PTPRT: variants seen among roughly 807,000 people sequenced by gnomAD.
PTPRT encodes receptor-type tyrosine-protein phosphatase T.
Under a neutral mutation model 176.8 loss-of-function variants are expected in PTPRT, and 56 were observed. The observed-to-expected ratio is 0.32, with a 90% CI of 0.26 to 0.40. The LOEUF is 0.40. Among genes scored for constraint, PTPRT ranks in the 10% least tolerant of loss-of-function variants. The probability of loss-of-function intolerance (pLI) is 1.00; values close to 1 mark genes in which losing one functional copy is unlikely to be tolerated. For synonymous variants in PTPRT, 783 were observed against 739.0 expected, an observed-to-expected ratio of 1.06 and a Z score of -0.96; for missense variants, 1,540 against 1,908.2, an observed-to-expected ratio of 0.81 and a Z score of 3.60.
intron 1 of PTPRT, among the ~76,000 whole-genome samples, chr20:42,997,794 G>GT: frequency 6.6e-6 from 1 of 152,228 alleles, no homozygotes; most frequent in Admixed American, 6.5e-5. Context: ...ACTTTCCAAA[G>GT]TCACACAGCT....
At chr20:42,935,147 A>ATTTTTTTTTTTTTTT (rs57178522) in intron 1 of PTPRT, among the ~76,000 whole-genome samples, 2 of 42,156 alleles carry the variant, frequency 4.7e-5, no homozygotes, top group African/African-American at 1.9e-4. Context: ...TTTTGCCATA[A>ATTTTTTTTTTTTTTT]TTTTTTTTTT....
intron 14 of PTPRT, among the ~76,000 whole-genome samples, chr20:42,245,766 T>C (rs2056438174): frequency 6.6e-6 from 1 of 152,170 alleles, no homozygotes; most frequent in Admixed American, 6.5e-5. Flanking sequence ...AGGGAGAAGC[T>C]GGGGACATCT....
intron 7 of PTPRT, among the ~76,000 whole-genome samples, chr20:42,554,297 A>T (rs942088977): frequency 2.0e-5 from 3 of 151,698 alleles, no homozygotes; most frequent in Admixed American, 6.6e-5. Context: ...TGAAATTCTT[A>T]AAAAAAAATT....
rs149900588 is a variant in PTPRT at position 42,618,996 on chromosome 20, G to C, written c.1153+58870C>G. Reference sequence around the variant, plus strand: ...GATCCTGTCATTATGATGTTAGCTGGTGATTTTGCTCGTAAGTTGATGCAG... The same window carrying C: ...GATCCTGTCATTATGATGTTAGCTGCTGATTTTGCTCGTAAGTTGATGCAG... On this transcript the variant is annotated intron_variant, in intron 7 of 30. Transcript: ENST00000373187. 4.8e-3 allele frequency among the ~76,000 whole-genome samples: 727 copies of C among 151,606 alleles called. 7 individuals are homozygous for C. Among genetic ancestry groups the C allele is most frequent in the Admixed American group, 0.017 (257 of 15,222 alleles).
Position 42,656,735 on chromosome 20 carries a change from T to C in PTPRT, c.1153+21131A>G, listed in dbSNP as rs546047603. Among the ~76,000 whole-genome samples, 5 of 152,266 alleles carry C rather than the reference T, an allele frequency of 3.3e-5. No individual in the cohort carries two copies. The East Asian group carries it at 5.8e-4, about 18-fold the overall frequency. On this transcript the variant is annotated intron_variant, in intron 7 of 30. Transcript: ENST00000373187. Reference sequence around the variant, plus strand: ...GATGCTGATTACAGCTTTTAAAAATTAGGAAAAACTTACATGTCTGGAAAT... The same window carrying C: ...GATGCTGATTACAGCTTTTAAAAATCAGGAAAAACTTACATGTCTGGAAAT...
intron 11 of PTPRT, among the ~76,000 whole-genome samples, chr20:42,350,222 T>C (rs1273631459): frequency 1.8e-5 from 1 of 55,944 alleles, no homozygotes; most frequent in Admixed American, 2.2e-4. Context: ...TTGTTTTTTT[T>C]TTTTTTTTTT....
chr20:42,272,369 G>C (rs1170498352), intron 13 of PTPRT, among the ~76,000 whole-genome samples: 2 of 151,880 alleles, frequency 1.3e-5, no homozygotes, highest in African/African-American at 4.8e-5. Context: ...TTACAGAGGA[G>C]TTTGCTAACT....
intron 13 of PTPRT, among the ~76,000 whole-genome samples, chr20:42,262,132 T>A (rs986286195): frequency 6.6e-6 from 1 of 152,220 alleles, no homozygotes; most frequent in African/African-American, 2.4e-5. Flanking sequence ...AAATCCACCA[T>A]GAACATGTTT....
At chr20:42,350,797 T>C (rs2058272412) in intron 10 of PTPRT, 67 bp from the exon 11 acceptor site, 1 of 1,166,572 alleles carries the variant, frequency 8.6e-7, no homozygotes, top group African/African-American at 1.5e-5. Context: ...CACCGCCCCT[T>C]GCTGCCATCC....
chr20:42,345,374 C>T (rs2058173545), intron 11 of PTPRT, among the ~76,000 whole-genome samples: 2 of 148,526 alleles, frequency 1.3e-5, no homozygotes, highest in Middle Eastern at 3.6e-3. Flanking sequence ...TATACACACA[C>T]ACACACACAC....
At chr20:43,120,781 C>G (rs1465614680) in intron 1 of PTPRT, among the ~76,000 whole-genome samples, 1 of 152,112 alleles carries the variant, frequency 6.6e-6, no homozygotes, top group East Asian at 1.9e-4. Flanking sequence ...TTCAATCAAG[C>G]TTTTTGGTTT....
chr20:42,108,809 A>ATAAT (rs1418508964), intron 23 of PTPRT, among the ~76,000 whole-genome samples: 1 of 152,246 alleles, frequency 6.6e-6, no homozygotes, highest in Non-Finnish European at 1.5e-5. Context: ...CCATTTGGTA[A>ATAAT]TAATTTTCAG....
Position 42,128,862 on chromosome 20 carries a change from T to G in PTPRT, c.2771-32A>C, listed in dbSNP as rs1987989115. ...AGAGAGCAGAAATCAAGGGGATGGT[T>G]GATAAGAGGCCTTACGCAGCTAATG... On this transcript the variant is annotated intron_variant, in intron 18 of 30. Coordinates refer to ENST00000373187, the MANE Select transcript of PTPRT (RefSeq NM_007050.6). The G allele has an allele frequency of 3.2e-6, 5 of 1,569,648 alleles. No individual in the cohort carries two copies. The South Asian group carries it at 4.7e-5, about 15-fold the overall frequency.
chr20:43,050,005 T>A (rs1986983774), intron 1 of PTPRT, among the ~76,000 whole-genome samples: 1 of 152,232 alleles, frequency 6.6e-6, no homozygotes, highest in Non-Finnish European at 1.5e-5. Flanking sequence ...TTTCAGCCAA[T>A]CCTTCCAGTG....
chr20:42,347,660 C>A (rs986483277), intron 11 of PTPRT, among the ~76,000 whole-genome samples: 1 of 152,144 alleles, frequency 6.6e-6, no homozygotes. Flanking sequence ...ATGACATGAT[C>A]CAGTCAGATC....
intron 17 of PTPRT, among the ~76,000 whole-genome samples, chr20:42,155,526 C>A (rs899448423): frequency 1.3e-5 from 2 of 152,182 alleles, no homozygotes; most frequent in African/African-American, 4.8e-5. Context: ...TTTGCTCCCA[C>A]TGCATAAATG....
chr20:42,180,647 C>T (rs1288113718), intron 16 of PTPRT, among the ~76,000 whole-genome samples: 3 of 152,172 alleles, frequency 2.0e-5, no homozygotes, highest in African/African-American at 7.2e-5. Flanking sequence ...ATAGTAGGTG[C>T]TCAACAAACC....
intron 2 of PTPRT, among the ~76,000 whole-genome samples, chr20:42,838,816 A>G (rs2078226321): frequency 6.6e-6 from 1 of 152,118 alleles, no homozygotes; most frequent in Admixed American, 6.5e-5. Flanking sequence ...TGTAGTGGCC[A>G]TCATTGGCTG....
chr20:42,210,330 T>A (rs1451322978), intron 15 of PTPRT, among the ~76,000 whole-genome samples: 2 of 152,010 alleles, frequency 1.3e-5, no homozygotes, highest in African/African-American at 4.8e-5. Context: ...ATAAAGGGTA[T>A]TCAATTAGGA....
Sources: gnomAD v4.1 joint callset for allele counts (sites outside exome capture counted in the v4.1 genomes callset) on GRCh38, gnomAD v4.1.1 for gene constraint, MANE v1.5 for transcripts, NCBI Gene and HGNC (gene_info 2026-07-23, HGNC 2026-07-21) for gene names.